The following NAV3 variants were observed in gnomAD, a reference collection of about 807,000 sequenced individuals.
The protein encoded by NAV3 is neuron navigator 3.
NAV3 carries 87 observed loss-of-function variants against 244.7 expected under a neutral mutation model. That is an observed-to-expected ratio of 0.36 (90% CI 0.30 to 0.42). The LOEUF (loss-of-function observed/expected upper bound fraction) is 0.42, where lower values mean the gene tolerates loss of function less well. NAV3 is among the 20% of genes least tolerant of loss of function. The pLI is 1.00. For synonymous variants in NAV3, 1,126 were observed against 1,042.2 expected, an observed-to-expected ratio of 1.08 and a Z score of -1.55; for missense variants, 2,663 against 2,893.3, an observed-to-expected ratio of 0.92 and a Z score of 1.83.
intron 2 of NAV3, among the ~76,000 whole-genome samples, chr12:77,761,961 T>C (rs1168363807): frequency 6.9e-6 from 1 of 144,354 alleles, no homozygotes; most frequent in East Asian, 2.0e-4. Flanking sequence ...CATTCTACTA[T>C]AGAGACACAT....
chr12:77,950,798 A>T, intron 3 of NAV3: 1 of 152,242 alleles, frequency 6.6e-6, no homozygotes, highest in Non-Finnish European at 1.5e-5. Flanking sequence ...GACAAACCTG[A>T]CAAAAACAAG....
intron 3 of NAV3, among the ~76,000 whole-genome samples, chr12:77,954,274 C>T (rs1236089079): frequency 6.6e-6 from 1 of 152,104 alleles, no homozygotes; most frequent in African/African-American, 2.4e-5. Context: ...TTTATTGAGC[C>T]CCTACTTTGT....
intron 18 of NAV3, among the ~76,000 whole-genome samples, chr12:78,135,753 A>C (rs1956346636): frequency 6.6e-6 from 1 of 152,158 alleles, no homozygotes; most frequent in East Asian, 1.9e-4. Context: ...AAATGGTACT[A>C]ATGGTCACTG....
At chr12:78,127,817 A>G (rs1955983172) in intron 17 of NAV3, among the ~76,000 whole-genome samples, 2 of 151,438 alleles carry the variant, frequency 1.3e-5, no homozygotes, top group Non-Finnish European at 2.9e-5. Context: ...GGGTACTGCT[A>G]TCAGATCAAT....
chr12:77,990,627 A>C (rs1450544615), intron 5 of NAV3, among the ~76,000 whole-genome samples: 1 of 152,246 alleles, frequency 6.6e-6, no homozygotes, highest in Non-Finnish European at 1.5e-5. Context: ...ACAATTCAAA[A>C]TAATTATCAC....
At chr12:77,578,219 C>A (rs74746580) in intron 2 of NAV3, among the ~76,000 whole-genome samples, 4,049 of 152,008 alleles carry the variant, frequency 0.027, 75 homozygotes, top group African/African-American at 0.049. Flanking sequence ...CATCTGGGAG[C>A]TTATAAGAAA....
intron 2 of NAV3, among the ~76,000 whole-genome samples, chr12:77,673,585 A>G (rs950804252): frequency 2.0e-5 from 3 of 152,100 alleles, no homozygotes; most frequent in African/African-American, 7.2e-5. Context: ...CCTCCAAGTA[A>G]TCTGATACAC....
rs546703941 is a variant in NAV3 at position 78,073,975 on chromosome 12, G to C, written c.2636+14860G>C. Among the ~76,000 whole-genome samples, 3 of 152,242 alleles carry C rather than the reference G, an allele frequency of 2.0e-5. No homozygotes were observed. The East Asian group carries it at 5.8e-4, about 29-fold the overall frequency. ...CATACTCAAATATTATACTAGCTTT[G>C]CTGCTTCTGAAACTGTACAAATATA... is the stretch of plus-strand genomic sequence containing the variant. On this transcript the variant is annotated intron_variant, in intron 12 of 39. Transcript: ENST00000397909.
In NAV3 at chr12:77,966,274, G is replaced by A. The variant is rs375133565; in HGVS notation, c.460G>A (p.Val154Ile). The change falls in exon 4 of 40, where the codon GTA becomes ATA. Residue 154 changes from valine (V) to isoleucine (I), a missense_variant. By Grantham distance (29) the Val-to-Ile change is conservative. Transcript: ENST00000397909. The stretch of plus-strand genomic sequence containing the variant: ...CCTTAGTTTTCTAGCAGCCAGAGGG[G>A]TAAATGTTCAAGGTCTATCTGCTGA... ...VCLSFLAARG[V>I]NVQGLSAEEI... The A allele has an allele frequency of 1.6e-5, 26 of 1,613,462 alleles. No homozygotes were observed. The African/African-American group carries it at 2.9e-4, about 18-fold the overall frequency.
At chr12:78,050,428 C>T (rs972944861) in intron 10 of NAV3, among the ~76,000 whole-genome samples, 30 of 152,236 alleles carry the variant, frequency 2.0e-4, no homozygotes, top group African/African-American at 6.3e-4. Flanking sequence ...TGCATCTGGG[C>T]AGGGTAGTAG....
At chr12:78,200,125 T>A (rs1223412550) in intron 37 of NAV3, among the ~76,000 whole-genome samples, 1 of 152,100 alleles carries the variant, frequency 6.6e-6, no homozygotes, top group East Asian at 1.9e-4. Context: ...ACCAGAACAC[T>A]CATGCCAGGT....
chr12:77,920,248 A>G (rs1303409116), intron 1 of NAV3, among the ~76,000 whole-genome samples: 1 of 152,086 alleles, frequency 6.6e-6, no homozygotes, highest in Non-Finnish European at 1.5e-5. Flanking sequence ...CCCCATAATT[A>G]AAATTAGTGC....
rs545813672 is a variant in NAV3, at chr12:77,709,782, T to C, written c.72+137516T>C. Among the ~76,000 whole-genome samples the C allele has an allele frequency of 2.6e-5, 4 of 152,320 alleles. No individual in the cohort carries two copies. In the South Asian group the frequency reaches 8.3e-4, roughly 32 times the overall value. ...AAATTGCAACCTTGGTAATATTGAT[T>C]TGTATTTCCAGCAATTAACATTGTG... On this transcript the variant is annotated intron_variant, in intron 2 of 8. Transcript: ENST00000550042.
intron 2 of NAV3, among the ~76,000 whole-genome samples, chr12:77,575,508 A>G (rs1220206329): frequency 6.6e-6 from 1 of 152,110 alleles, no homozygotes; most frequent in Non-Finnish European, 1.5e-5. Context: ...GGAGTGTTTT[A>G]TTTTTGATAA....
chr12:77,649,671 A>G (rs575342993), intron 2 of NAV3, among the ~76,000 whole-genome samples: 8 of 152,314 alleles, frequency 5.3e-5, no homozygotes, highest in African/African-American at 1.7e-4. Context: ...TTTAAAACTG[A>G]TTTTGTAATA....
intron 2 of NAV3, among the ~76,000 whole-genome samples, chr12:77,662,710 T>A (rs893816663): frequency 4.6e-5 from 7 of 152,148 alleles, no homozygotes; most frequent in Non-Finnish European, 2.9e-5. Context: ...ATAGGTTTGA[T>A]GATTATATAT....
chr12:77,880,473 G>A (rs113766676), intron 1 of NAV3, among the ~76,000 whole-genome samples: 9 of 152,206 alleles, frequency 5.9e-5, no homozygotes, highest in Admixed American at 3.3e-4. Context: ...GTATTGCTCA[G>A]ACTAATCACT....
At chr12:77,765,654 A>G (rs1229733210) in intron 2 of NAV3, among the ~76,000 whole-genome samples, 2 of 152,188 alleles carry the variant, frequency 1.3e-5, no homozygotes, top group Non-Finnish European at 2.9e-5. Context: ...CTATGACTAG[A>G]GCCTAGAGTT....
Position 78,006,976 on chromosome 12 carries a change from A to G in NAV3, c.1438A>G (p.Thr480Ala). The G allele has an allele frequency of 1.2e-6, 2 of 1,614,124 alleles. No individual in the cohort carries two copies. The highest frequency in any genetic ancestry group is 1.7e-6 in the Non-Finnish European group (2 of 1,180,028). The change falls in exon 8 of 40, where the codon ACT becomes GCT. Residue 480 changes from threonine (T) to alanine (A), a missense_variant. This residue lies in a region of NAV3 where 1,521 missense variants were observed against 1,497.0 expected (regional missense o/e 1.02). Coordinates refer to ENST00000397909, the MANE Select transcript of NAV3 (RefSeq NM_001024383.2). The stretch of plus-strand genomic sequence containing the variant: ...GAACAGGGACAAAAATAAAGTTTGC[A>G]CTGAAAAACCAGTCAAAGAAGAGAA... ...EKNRDKNKVC[T>A]EKPVKEEKDQ...
Sources: gnomAD v4.1 joint callset for allele counts (sites outside exome capture counted in the v4.1 genomes callset) on GRCh38, gnomAD v4.1.1 for gene constraint, gnomAD v4.1.1 regional missense constraint, MANE v1.5 for transcripts, NCBI Gene and HGNC (gene_info 2026-07-23, HGNC 2026-07-21) for gene names.